The following APPL1 variants were observed in gnomAD, a reference collection of about 807,000 sequenced individuals.
The protein encoded by APPL1 is adaptor protein, phosphotyrosine interacting with PH domain and leucine zipper 1.
APPL1 carries 42 observed loss-of-function variants against 106.8 expected under a neutral mutation model. The ratio of observed to expected loss-of-function variants is 0.39; its 90% CI spans 0.31 to 0.51. APPL1 has a LOEUF of 0.51. Among genes scored for constraint, APPL1 ranks in the 20% least tolerant of loss-of-function variants. The pLI, the probability that APPL1 is intolerant of heterozygous loss-of-function variation, is 0.75. For synonymous variants in APPL1, 263 were observed against 281.8 expected (o/e 0.93, Z 0.67); for missense variants, 769 against 858.2 (o/e 0.90, Z 1.30).
intron 2 of APPL1, 101 bp from the exon 3 acceptor site, chr3:57,237,391 C>T (rs892295023): frequency 4.9e-6 from 4 of 816,830 alleles, no homozygotes; most frequent in African/African-American, 1.8e-5. Context: ...AAAACATGTA[C>T]AATATTTATG....
chr3:57,239,159 A>G (rs2060732184), intron 4 of APPL1, among the ~76,000 whole-genome samples: 1 of 152,176 alleles, frequency 6.6e-6, no homozygotes, highest in African/African-American at 2.4e-5. Flanking sequence ...CGAGAACAGT[A>G]TGGGGGAAAC....
At chr3:57,266,408 G>T (rs1428011180) in intron 19 of APPL1, among the ~76,000 whole-genome samples, 1 of 151,960 alleles carries the variant, frequency 6.6e-6, no homozygotes, top group Non-Finnish European at 1.5e-5. Flanking sequence ...GGATTTCTTC[G>T]TGGTTCAATC....
intron 11 of APPL1, among the ~76,000 whole-genome samples, chr3:57,250,850 C>CAGG: frequency 6.8e-6 from 1 of 146,076 alleles, no homozygotes; most frequent in African/African-American, 2.5e-5. Flanking sequence ...CTCTGTCGCC[C>CAGG]AGGCTGGAGT....
chr3:57,252,432 C>G, intron 12 of APPL1, 121 bp downstream of exon 12: 4 of 667,326 alleles, frequency 6.0e-6, no homozygotes, highest in South Asian at 2.3e-5. Context: ...AAAAATCTTT[C>G]TTTTTCTTTT....
In APPL1 at chr3:57,238,061, G is replaced by A. The variant is rs1304386766; in HGVS notation, c.230G>A (p.Gly77Asp). 5 of 1,611,190 alleles carry A rather than the reference G, an allele frequency of 3.1e-6. No homozygotes were observed. In the African/African-American group the frequency reaches 5.3e-5, roughly 17 times the overall value. The change falls in exon 4 of 22, where the codon GGT becomes GAT. Residue 77 changes from glycine to aspartate, a missense_variant. Physicochemically the swap from Gly to Asp is moderately conservative, Grantham distance 94 (BLOSUM62 -1). Coordinates refer to ENST00000288266, the MANE Select transcript of APPL1 (RefSeq NM_012096.3). ...GCTTTTCAGCGTTTTCCATTGGGAG[G>A]TGATGATGAAGTTATGAGCTCTACA... The part of the protein sequence containing the change: ...EYEKQRFPLG[G>D]DDEVMSSTLQ...
At position 57,229,699 on chromosome 3, in the gene APPL1, C is replaced by CTT. The variant is rs753258836; in HGVS notation, c.54+1789_54+1790dup. 4.6e-3 allele frequency among the ~76,000 whole-genome samples: 432 copies of CTT among 93,112 alleles called. 43 individuals carry two copies. Among genetic ancestry groups the CTT allele is most frequent in the African/African-American group, 0.019 (403 of 21,452 alleles). The allele number at this position is 93,112 out of a possible 152,430, so 61.1% of individuals were successfully genotyped here. A position where few individuals can be genotyped will look rare whatever the true frequency, so the allele number is the denominator to read the frequency against. On this transcript the variant is annotated intron_variant, in intron 1 of 21. Coordinates refer to ENST00000288266, the MANE Select transcript of APPL1 (RefSeq NM_012096.3). ...ATACAGGCGTGTGCCACTGTGCCAG[C>CTT]TTTTTTTTTTTTTTTTTTTTTTTTT... is the stretch of plus-strand genomic sequence containing the variant.
intron 1 of APPL1, among the ~76,000 whole-genome samples, chr3:57,233,336 G>T (rs186247239): frequency 6.6e-6 from 1 of 152,268 alleles, no homozygotes; most frequent in Non-Finnish European, 1.5e-5. Flanking sequence ...TAAACAAACA[G>T]CAATTATCCA....
chr3:57,242,871 T>G lies in APPL1; in HGVS notation c.431T>G (p.Ile144Ser). 1 of 1,612,190 alleles carries G rather than the reference T, an allele frequency of 6.2e-7. No homozygotes were observed. The highest frequency in any genetic ancestry group is 8.5e-7 in the Non-Finnish European group (1 of 1,178,652). ...TTTTTTCCAGATCATGATGCTGCGA[T>G]TAATAGATATAGCCGTTTATCAAAA... ...QIASNDHDAA[I>S]NRYSRLSKKR... Residue 144 changes from isoleucine to serine, a missense_variant, in exon 7 of 22, where the codon ATT becomes AGT. Physicochemically the swap from Ile to Ser is moderately radical, Grantham distance 142. Coordinates refer to ENST00000288266, the MANE Select transcript of APPL1 (RefSeq NM_012096.3).
intron 17 of APPL1, 37 bp from the exon 18 acceptor site, chr3:57,260,080 T>C (rs776409580): frequency 6.2e-7 from 1 of 1,605,568 alleles, no homozygotes; most frequent in Middle Eastern, 1.7e-4. Context: ...TCAGCCTAAT[T>C]AAAATTTGTT....
chr3:57,268,658 T>C (rs1017781963), intron 21 of APPL1, 171 bp downstream of exon 21: 3 of 597,226 alleles, frequency 5.0e-6, no homozygotes, highest in African/African-American at 3.7e-5. Flanking sequence ...TTTTTTGATA[T>C]GATGTTTACA....
chr3:57,240,542 A>C lies in APPL1; in HGVS notation c.363A>C (p.Arg121Ser). 1 of 1,613,388 alleles carries C rather than the reference A, an allele frequency of 6.2e-7. No homozygotes were observed. The highest frequency in any genetic ancestry group is 2.2e-5 in the East Asian group (1 of 44,862). ...TCCCCATTACCCAGTTTAAAGAAAG[A>C]GATCTGAAAGGTATTGAAGTCAAGC... ...MMFPITQFKERDLKEILTLKE... is the reference protein window; with the variant it reads ...MMFPITQFKESDLKEILTLKE... The change falls in exon 5 of 22, where the codon AGA (arginine) becomes AGC (serine). Residue 121 changes from arginine (R) to serine (S), a missense_variant. Arg to Ser is a moderately radical substitution (Grantham distance 110). Coordinates refer to ENST00000288266, the MANE Select transcript of APPL1 (RefSeq NM_012096.3).
chr3:57,247,002 AAAAAATTG>A (rs2060777447), intron 8 of APPL1, among the ~76,000 whole-genome samples: 1 of 152,022 alleles, frequency 6.6e-6, no homozygotes, highest in Admixed American at 6.6e-5. Flanking sequence ...AAAAAAAAAA[AAAAAATTG>A]AATCTATTTA....
intron 2 of APPL1, 113 bp downstream of exon 2, chr3:57,235,777 GT>G: frequency 1.6e-6 from 1 of 643,526 alleles, no homozygotes; most frequent in Non-Finnish European, 2.7e-6. Context: ...TAGGCTCATA[GT>G]AATAAATATT....
intron 18 of APPL1, 171 bp downstream of exon 18, chr3:57,260,324 C>A: frequency 1.5e-6 from 1 of 662,842 alleles, no homozygotes; most frequent in Non-Finnish European, 2.4e-6. Context: ...TGTCATTGAA[C>A]ATTTTATGTA....
rs1256794353 is a variant in APPL1, at chr3:57,269,769, A to G, written c.*82A>G. ...GGCAGAAGGTAACAACTATGTTGAAATATCAAGGAGGAGATTAAGCTTTAT... is the reference window on the plus strand; with the variant it reads ...GGCAGAAGGTAACAACTATGTTGAAGTATCAAGGAGGAGATTAAGCTTTAT... On this transcript the variant is annotated 3_prime_UTR_variant, in exon 22 of 22. Transcript: ENST00000288266. 3 of 1,461,842 alleles carry G rather than the reference A, an allele frequency of 2.1e-6. No individual in the cohort carries two copies. The African/African-American group carries it at 4.2e-5, about 20-fold the overall frequency. The allele number at this position is 1,461,842 out of a possible 1,614,324, so 90.6% of individuals were successfully genotyped here.
intron 12 of APPL1, among the ~76,000 whole-genome samples, chr3:57,253,300 A>G (rs1436902311): frequency 6.6e-6 from 1 of 152,124 alleles, no homozygotes; most frequent in African/African-American, 2.4e-5. Context: ...GGGGATTAGG[A>G]GGGGAAGTGA....
intron 13 of APPL1, among the ~76,000 whole-genome samples, chr3:57,256,403 A>G (rs553333393): frequency 1.3e-5 from 2 of 152,290 alleles, no homozygotes; most frequent in African/African-American, 2.4e-5. Flanking sequence ...CTTATTTTCA[A>G]TTTTTTGGTC....
In APPL1 at chr3:57,228,000, C is replaced by T. The variant is rs7643764; in HGVS notation, c.54+63C>T. 12,472 of 1,321,942 alleles carry T rather than the reference C, an allele frequency of 9.4e-3. 967 individuals are homozygous for T. In the African/African-American group the frequency reaches 0.16, roughly 17 times the overall value. The allele number at this position is 1,321,942 out of a possible 1,614,324, so 81.9% of individuals were successfully genotyped here. A position where few individuals can be genotyped will look rare whatever the true frequency, so the allele number is the denominator to read the frequency against. On this transcript the variant is annotated intron_variant, in intron 1 of 21. Transcript: ENST00000288266. ...CAGCTGGCCGACCCCAGGTCTGGCG[C>T]CTCCGCGGCTCCCGCAGGTGCCCGC...
At chr3:57,247,297 C>A in intron 8 of APPL1, 98 bp from the exon 9 acceptor site, 1 of 657,950 alleles carries the variant, frequency 1.5e-6, no homozygotes, top group Non-Finnish European at 2.6e-6. Context: ...TTGTTTTTTA[C>A]TTAACCATGT....
Sources: allele counts gnomAD v4.1 joint callset (sites outside exome capture counted in the v4.1 genomes callset), GRCh38; gene constraint gnomAD v4.1.1; transcripts MANE v1.5; gene names NCBI Gene and HGNC (gene_info 2026-07-23, HGNC 2026-07-21).